FZR1: variants seen among roughly 807,000 people sequenced by gnomAD.
FZR1 encodes fizzy and cell division cycle 20 related 1.
Under a neutral mutation model 63.6 loss-of-function variants are expected in FZR1, and 11 were observed. The ratio of observed to expected loss-of-function variants is 0.17; its 90% CI spans 0.11 to 0.29. The LOEUF is 0.29. Ranked by LOEUF, FZR1 falls within the 10% of genes least tolerant of loss-of-function variation. FZR1 has a pLI of 1.00. For synonymous variants in FZR1, 328 were observed against 297.9 expected (o/e 1.10, Z -1.04); for missense variants, 440 against 687.5 (o/e 0.64, Z 4.03).
At chr19:3,521,565 G>C (rs909350648) in intron 1 of FZR1, among the ~76,000 whole-genome samples, 2 of 151,724 alleles carry the variant, frequency 1.3e-5, no homozygotes, top group Non-Finnish European at 2.9e-5. Context: ...GCAGCGGCAC[G>C]ATCTCAGCTC....
Position 3,525,587 on chromosome 19 carries a change from C to T in FZR1, c.70-281C>T, listed in dbSNP as rs537908882. ...CCTCCCGAGTAGCTGGGACTACAGG[C>T]GCCTGCCACCACGCCCGGCTGATTT... On this transcript the variant is annotated intron_variant, in intron 2 of 13. Transcript: ENST00000441788. The surrounding 1 kb of genome is among the most constrained non-coding windows in gnomAD (Gnocchi z 4.2). Among the ~76,000 whole-genome samples, 3 of 152,064 alleles carry T rather than the reference C, an allele frequency of 2.0e-5. No homozygotes were observed. The highest frequency in any genetic ancestry group is 1.9e-4 in the East Asian group (1 of 5,158).
intron 8 of FZR1, among the ~76,000 whole-genome samples, 170 bp from the exon 9 acceptor site, chr19:3,531,544 T>C (rs375131100): frequency 3.7e-4 from 57 of 152,326 alleles, no homozygotes; most frequent in African/African-American, 1.3e-3. Context: ...CACCCCAGCA[T>C]GCACTGAGGG....
chr19:3,532,193 G>A (rs902475448), intron 10 of FZR1, 98 bp downstream of exon 10: 37 of 1,177,076 alleles, frequency 3.1e-5, no homozygotes, highest in South Asian at 6.3e-5. Context: ...GCGCGGGCGC[G>A]GGGCCCACTC....
Position 3,533,214 on chromosome 19 carries a change from G to T in FZR1, c.1243-80G>T. ...GGCTCTGAGCTCTCACATGGGCTCAGGCGGGTGCATGTGAGGCAGCAGGCA... is the reference window on the plus strand; with the variant it reads ...GGCTCTGAGCTCTCACATGGGCTCATGCGGGTGCATGTGAGGCAGCAGGCA... On this transcript the variant is annotated intron_variant, in intron 11 of 13. Coordinates refer to ENST00000441788, the MANE Select transcript of FZR1 (RefSeq NM_016263.4). This position sits in a 1 kb window ranked among gnomAD's most constrained non-coding sequence, Gnocchi z 4.9. 1.2e-6 allele frequency: 1 copy of T among 864,788 alleles called. No individual in the cohort carries two copies. Among genetic ancestry groups the T allele is most frequent in the South Asian group, 1.4e-5 (1 of 73,108 alleles). 53.6% of individuals were successfully genotyped at this position (864,788 alleles called of 1,614,324 possible).
In FZR1 at chr19:3,532,002, G is replaced by C; in HGVS notation, c.915G>C (p.Ser305=). Residue 305 remains serine (S), a synonymous_variant, in exon 10 of 14, where the codon TCG becomes TCC. Transcript: ENST00000441788. ...ACATCCGCACCCCGCCACTGCAGTC[G>C]GAGCGGCGGCTGCAGGGCCACCGGC... ...QRDIRTPPLQ[S]ERRLQGHRQE... The C allele has an allele frequency of 6.4e-7, 1 of 1,566,120 alleles. No individual in the cohort carries two copies. The highest frequency in any genetic ancestry group is 8.6e-7 in the Non-Finnish European group (1 of 1,162,202).
intron 7 of FZR1, among the ~76,000 whole-genome samples, chr19:3,528,668 TGA>T (rs1292800207): frequency 1.4e-5 from 2 of 147,982 alleles, no homozygotes; most frequent in African/African-American, 5.0e-5. Flanking sequence ...GGAGAATGGA[TGA>T]GAGAGTGGAT....
At chr19:3,534,113 A>G (rs1004045572) in intron 12 of FZR1, among the ~76,000 whole-genome samples, 14 of 151,614 alleles carry the variant, frequency 9.2e-5, no homozygotes, top group African/African-American at 3.2e-4. Context: ...CCAGCTACTC[A>G]GGAGGCTGAG....
chr19:3,516,321 C>A lies in FZR1; in HGVS notation c.-34-6635C>A, dbSNP rs368305337. On this transcript the variant is annotated intron_variant, in intron 1 of 13. Transcript: ENST00000441788. This position sits in a 1 kb window ranked among gnomAD's most constrained non-coding sequence, Gnocchi z 6.0. The stretch of plus-strand genomic sequence containing the variant: ...AGGGAGGACTGGTCCTTTCCCAGTG[C>A]GGTTTGTTGGTGTCCTTTGCTACTT... Among the ~76,000 whole-genome samples, 1 of 152,138 alleles carries A rather than the reference C, an allele frequency of 6.6e-6. No individual in the cohort carries two copies. Among genetic ancestry groups the A allele is most frequent in the Admixed American group, 6.5e-5 (1 of 15,272 alleles).
In FZR1 at chr19:3,526,496, C is replaced by A; in HGVS notation, c.387+110C>A. ...CCCCGAGCCCGGTTCTCGGGCCCAG[C>A]CACGGCTCAGCACCCCCGCCCTGAC... On this transcript the variant is annotated intron_variant, in intron 5 of 13. Coordinates refer to ENST00000441788, the MANE Select transcript of FZR1 (RefSeq NM_016263.4). This position sits in a 1 kb window ranked among gnomAD's most constrained non-coding sequence, Gnocchi z 5.4. 2.3e-6 allele frequency: 2 copies of A among 860,150 alleles called. No individual in the cohort carries two copies. The highest frequency in any genetic ancestry group is 3.6e-6 in the Non-Finnish European group (2 of 552,632). The allele number at this position is 860,150 out of a possible 1,614,324, so 53.3% of individuals were successfully genotyped here. A position where few individuals can be genotyped will look rare whatever the true frequency, so the allele number is the denominator to read the frequency against.
Position 3,537,148 on chromosome 19 carries a change from C to G in FZR1, c.*2312C>G, listed in dbSNP as rs1481210295. Reference sequence around the variant, plus strand: ...GGGTGAAGGCCGTGGTGGGAGGGTCCCATGATGATGGGCCAGGGCTCGTGT... The same window carrying G: ...GGGTGAAGGCCGTGGTGGGAGGGTCGCATGATGATGGGCCAGGGCTCGTGT... On this transcript the variant is annotated 3_prime_UTR_variant, in exon 14 of 14. Transcript: ENST00000441788. 1 of 152,606 alleles carries G rather than the reference C, an allele frequency of 6.6e-6. No individual in the cohort carries two copies. Among genetic ancestry groups the G allele is most frequent in the Non-Finnish European group, 1.5e-5 (1 of 68,308 alleles). 9.5% of individuals were successfully genotyped at this position (152,606 alleles called of 1,614,324 possible).
In FZR1 at chr19:3,525,432, C is replaced by CTTTTTTTTTTTTTTTTTT. The variant is rs57486013; in HGVS notation, c.70-425_70-408dup. Among the ~76,000 whole-genome samples the CTTTTTTTTTTTTTTTTTT allele has an allele frequency of 1.5e-5, 1 of 68,742 alleles. No homozygotes were observed. The highest frequency in any genetic ancestry group is 6.0e-5 in the African/African-American group (1 of 16,546). The allele number at this position is 68,742 out of a possible 152,430, so 45.1% of individuals were successfully genotyped here. On this transcript the variant is annotated intron_variant, in intron 2 of 13. Coordinates refer to ENST00000441788, the MANE Select transcript of FZR1 (RefSeq NM_016263.4). The surrounding 1 kb of genome is among the most constrained non-coding windows in gnomAD (Gnocchi z 4.2). ...TGTGTGGCTCCCCTCCTTGGGTTTT[C>CTTTTTTTTTTTTTTTTTT]TTTTTTTTTTTTTTTTTTTTTTTTT...
At chr19:3,509,918 G>T (rs1036513659) in intron 1 of FZR1, among the ~76,000 whole-genome samples, 1 of 152,156 alleles carries the variant, frequency 6.6e-6, no homozygotes, top group Non-Finnish European at 1.5e-5. Flanking sequence ...AGAGGCAGGC[G>T]CTGGTGGTTG....
chr19:3,533,514 C>T lies in FZR1; in HGVS notation c.1347+116C>T, dbSNP rs558549699. ...AGGATGGTGTGCAGATCTAAAACCCCGTGGGACCCAGCAGCAGGGGCCGGC... is the reference window on the plus strand; with the variant it reads ...AGGATGGTGTGCAGATCTAAAACCCTGTGGGACCCAGCAGCAGGGGCCGGC... On this transcript the variant is annotated intron_variant, in intron 12 of 13. Transcript: ENST00000441788. This position sits in a 1 kb window ranked among gnomAD's most constrained non-coding sequence, Gnocchi z 4.9. 4.2e-4 allele frequency: 283 copies of T among 666,724 alleles called. No individual in the cohort carries two copies. Among genetic ancestry groups the T allele is most frequent in the Middle Eastern group, 7.5e-4 (3 of 4,016 alleles). 41.3% of individuals were successfully genotyped at this position (666,724 alleles called of 1,614,324 possible).
In FZR1 at chr19:3,514,130, G is replaced by A. The variant is rs755486777; in HGVS notation, c.-35+7656G>A. 2.0e-5 allele frequency among the ~76,000 whole-genome samples: 3 copies of A among 152,094 alleles called. No individual in the cohort carries two copies. The highest frequency in any genetic ancestry group is 4.4e-5 in the Non-Finnish European group (3 of 68,006). On this transcript the variant is annotated intron_variant, in intron 1 of 13. Transcript: ENST00000441788. The surrounding 1 kb of genome is among the most constrained non-coding windows in gnomAD (Gnocchi z 4.2). ...TGCTGTTCCCAGGCCCTGTCTACAC[G>A]GCAGACAGCCCCTCACGCTTTGCGT...
intron 1 of FZR1, among the ~76,000 whole-genome samples, chr19:3,512,663 G>A (rs1396246243): frequency 6.6e-6 from 1 of 152,166 alleles, no homozygotes; most frequent in African/African-American, 2.4e-5. Context: ...GTGCTGGGTG[G>A]GGTGGTGCTG....
chr19:3,529,209 A>G (rs2083202040), intron 7 of FZR1, among the ~76,000 whole-genome samples: 1 of 133,840 alleles, frequency 7.5e-6, no homozygotes, highest in Non-Finnish European at 1.6e-5. Flanking sequence ...CGGATGAGAG[A>G]GTGGATGGTT....
rs1023348849 is a variant in FZR1, at chr19:3,530,836, C to T, written c.699C>T (p.Thr233=). The T allele has an allele frequency of 1.2e-6, 2 of 1,612,794 alleles. No homozygotes were observed. Among genetic ancestry groups the T allele is most frequent in the African/African-American group, 2.7e-5 (2 of 74,842 alleles). ...CDLSVEGDSV[T]SVGWSERGNL... ...TCTCAGTGGAAGGGGACTCAGTGAC[C>T]TCCGTGGGCTGGTCTGAGCGGGTGA... Residue 233 remains threonine (T), a synonymous_variant, in exon 8 of 14, where the codon ACC becomes ACT. Coordinates refer to ENST00000441788, the MANE Select transcript of FZR1 (RefSeq NM_016263.4).
chr19:3,515,303 G>A lies in FZR1; in HGVS notation c.-34-7653G>A, dbSNP rs1342691827. On this transcript the variant is annotated intron_variant, in intron 1 of 13. Coordinates refer to ENST00000441788, the MANE Select transcript of FZR1 (RefSeq NM_016263.4). The surrounding 1 kb of genome is among the most constrained non-coding windows in gnomAD (Gnocchi z 4.6). The stretch of plus-strand genomic sequence containing the variant: ...GTCTGTGCTCAGGAATTACTTAACA[G>A]CAGCTTAAGATCCTGATTTCTCTCT... Among the ~76,000 whole-genome samples the A allele has an allele frequency of 6.6e-6, 1 of 152,206 alleles. No individual in the cohort carries two copies. Among genetic ancestry groups the A allele is most frequent in the African/African-American group, 2.4e-5 (1 of 41,454 alleles).
intron 1 of FZR1, among the ~76,000 whole-genome samples, chr19:3,511,245 C>G (rs562574319): frequency 6.6e-6 from 1 of 152,360 alleles, no homozygotes; most frequent in South Asian, 2.1e-4. Flanking sequence ...GATGAGCAAC[C>G]TCGGGTCTTT....
Sources: allele counts gnomAD v4.1 joint callset (sites outside exome capture counted in the v4.1 genomes callset), GRCh38; gene constraint gnomAD v4.1.1; non-coding constraint Gnocchi (gnomAD v3.1); transcripts MANE v1.5; gene names NCBI Gene and HGNC (gene_info 2026-07-23, HGNC 2026-07-21).